The following PARD3 variants were observed in gnomAD, a reference collection of about 807,000 sequenced individuals.
PARD3 encodes par-3 family cell polarity regulator, also known as partitioning defective 3 homolog.
In PARD3, 75 loss-of-function variants were observed where a neutral mutation model predicts 155.4. The ratio of observed to expected loss-of-function variants is 0.48; its 90% CI spans 0.40 to 0.58. The LOEUF (loss-of-function observed/expected upper bound fraction) is 0.58, where lower values mean the gene tolerates loss of function less well. Among genes scored for constraint, PARD3 ranks in the 20% least tolerant of loss-of-function variants. The pLI, the probability that PARD3 is intolerant of heterozygous loss-of-function variation, is 0.00. For missense variants in PARD3, 1,642 were observed against 1,721.7 expected (o/e 0.95, Z 0.82); for synonymous variants, 576 against 610.5 (o/e 0.94, Z 0.83).
At chr10:34,396,274 C>T (rs11818878) in intron 7 of PARD3, among the ~76,000 whole-genome samples, 1,543 of 152,058 alleles carry the variant, frequency 0.01, 10 homozygotes, top group Non-Finnish European at 0.017. Context: ...TGCTTGAACC[C>T]GGGAAGCGGA....
chr10:34,551,127 T>C (rs954995981), intron 2 of PARD3, among the ~76,000 whole-genome samples: 1 of 152,236 alleles, frequency 6.6e-6, no homozygotes, highest in African/African-American at 2.4e-5. Flanking sequence ...ATATGAATTA[T>C]AGGACACATT....
chr10:34,143,103 C>T (rs755373367), intron 22 of PARD3, among the ~76,000 whole-genome samples: 9 of 152,084 alleles, frequency 5.9e-5, no homozygotes, highest in South Asian at 2.1e-4. Context: ...AGGTGGATCA[C>T]GAGGTCAAGA....
chr10:34,542,234 T>TGTGTGTGTAC (rs143582528), intron 2 of PARD3, among the ~76,000 whole-genome samples: 14 of 146,198 alleles, frequency 9.6e-5, no homozygotes, highest in African/African-American at 2.8e-4. Context: ...TGTGTGTGTG[T>TGTGTGTGTAC]GTGTGCACAC....
At chr10:34,128,972 G>A (rs1292696537) in intron 23 of PARD3, among the ~76,000 whole-genome samples, 1 of 152,166 alleles carries the variant, frequency 6.6e-6, no homozygotes, top group Non-Finnish European at 1.5e-5. Flanking sequence ...GTTTCTAGGT[G>A]ATGCTAAAGG....
intron 20 of PARD3, among the ~76,000 whole-genome samples, chr10:34,292,533 C>G (rs1008502200): frequency 6.6e-6 from 1 of 152,112 alleles, no homozygotes; most frequent in South Asian, 2.1e-4. Context: ...CTTGATAGCG[C>G]TTTTGTAAGA....
At chr10:34,245,163 T>C (rs1487183092) in intron 22 of PARD3, among the ~76,000 whole-genome samples, 1 of 152,172 alleles carries the variant, frequency 6.6e-6, no homozygotes, top group Non-Finnish European at 1.5e-5. Context: ...CTGTCAGATC[T>C]GAGGATAGGA....
chr10:34,189,747 C>T (rs2799459), intron 22 of PARD3, among the ~76,000 whole-genome samples: 33,269 of 151,944 alleles, frequency 0.22, 3,807 homozygotes, highest in Middle Eastern at 0.34. Flanking sequence ...CCACTTTTCC[C>T]AAAAAAGGAC....
intron 2 of PARD3, among the ~76,000 whole-genome samples, chr10:34,682,212 T>C (rs74648570): frequency 6.1e-4 from 93 of 151,874 alleles, no homozygotes; most frequent in South Asian, 8.3e-4. Context: ...CTCTTGACAA[T>C]CTTTTGTAAG....
chr10:34,779,236 G>A (rs1203190988), intron 1 of PARD3, among the ~76,000 whole-genome samples: 1 of 152,094 alleles, frequency 6.6e-6, no homozygotes, highest in Non-Finnish European at 1.5e-5. Flanking sequence ...AACCTGGGAG[G>A]TGAAGGCTGC....
chr10:34,587,146 CAG>C (rs1044904441), intron 2 of PARD3, among the ~76,000 whole-genome samples: 18 of 152,078 alleles, frequency 1.2e-4, no homozygotes, highest in African/African-American at 3.9e-4. Flanking sequence ...TTGCTTGAGA[CAG>C]AGTCTCCCTC....
intron 2 of PARD3, among the ~76,000 whole-genome samples, chr10:34,553,782 T>G (rs2133989333): frequency 6.6e-6 from 1 of 152,342 alleles, no homozygotes; most frequent in African/African-American, 2.4e-5. Flanking sequence ...ATAAGCAATG[T>G]TTTTGTTCAA....
chr10:34,775,276 C>T (rs1464921314), intron 1 of PARD3, among the ~76,000 whole-genome samples: 2 of 151,888 alleles, frequency 1.3e-5, no homozygotes, highest in Non-Finnish European at 2.9e-5. Context: ...CCAACAGTTT[C>T]GGAGGCTGAA....
At chr10:34,672,485 T>C (rs1012337820) in intron 2 of PARD3, among the ~76,000 whole-genome samples, 6 of 152,208 alleles carry the variant, frequency 3.9e-5, no homozygotes, top group Admixed American at 2.0e-4. Context: ...TGTACCGTGT[T>C]TCCTAACTTT....
intron 2 of PARD3, among the ~76,000 whole-genome samples, chr10:34,638,893 T>TTC (rs1394977910): frequency 6.6e-6 from 1 of 152,220 alleles, no homozygotes; most frequent in East Asian, 1.9e-4. Flanking sequence ...TGATTTATAG[T>TTC]TCTCTCTCTG....
intron 3 of PARD3, among the ~76,000 whole-genome samples, chr10:34,511,096 T>C (rs1238335988): frequency 6.6e-6 from 1 of 152,198 alleles, no homozygotes; most frequent in Non-Finnish European, 1.5e-5. Context: ...CTGCAGTTGA[T>C]TTTATTGAAG....
At chr10:34,346,870 A>T (rs1218942664) in intron 15 of PARD3, among the ~76,000 whole-genome samples, 1 of 152,266 alleles carries the variant, frequency 6.6e-6, no homozygotes, top group Non-Finnish European at 1.5e-5. Context: ...GATTAGAGGA[A>T]GAAAAACAGA....
At chr10:34,705,802 C>G (rs1247866222) in intron 1 of PARD3, among the ~76,000 whole-genome samples, 1 of 152,198 alleles carries the variant, frequency 6.6e-6, no homozygotes, top group Non-Finnish European at 1.5e-5. Flanking sequence ...AACCTGCTGC[C>G]TCCCTTGACA....
chr10:34,418,308 G>A (rs1845865377), intron 5 of PARD3, among the ~76,000 whole-genome samples: 1 of 152,032 alleles, frequency 6.6e-6, no homozygotes, highest in East Asian at 1.9e-4. Flanking sequence ...CTAAGTAGCT[G>A]AGAGTGCAGG....
At chr10:34,541,175 A>G (rs1180740223) in intron 2 of PARD3, among the ~76,000 whole-genome samples, 1 of 152,214 alleles carries the variant, frequency 6.6e-6, no homozygotes, top group Non-Finnish European at 1.5e-5. Flanking sequence ...CACATGGAGG[A>G]TGGTTTATTT....
Sources: gnomAD v4.1 joint callset for allele counts (sites outside exome capture counted in the v4.1 genomes callset) on GRCh38, gnomAD v4.1.1 for gene constraint, MANE v1.5 for transcripts, NCBI Gene and HGNC (gene_info 2026-07-23, HGNC 2026-07-21) for gene names.